HECW1: variants seen among roughly 807,000 people sequenced by gnomAD.
HECW1 encodes HECT, C2 and WW domain containing E3 ubiquitin protein ligase 1, also known as E3 ubiquitin-protein ligase HECW1.
A neutral mutation model predicts 182.3 loss-of-function variants in HECW1; 61 were observed. The ratio of observed to expected loss-of-function variants is 0.33; its 90% CI spans 0.27 to 0.41. The LOEUF is 0.41. Ranked by LOEUF, HECW1 falls within the 10% of genes least tolerant of loss-of-function variation. The probability of loss-of-function intolerance (pLI) is 1.00; values close to 1 mark genes in which losing one functional copy is unlikely to be tolerated. For missense variants in HECW1, 1,739 were observed against 2,108.9 expected, an observed-to-expected ratio of 0.82 and a Z score of 3.44; for synonymous variants, 859 against 832.6, an observed-to-expected ratio of 1.03 and a Z score of -0.55.
At chr7:43,125,048 C>T (rs1403106006) in intron 2 of HECW1, among the ~76,000 whole-genome samples, 2 of 152,098 alleles carry the variant, frequency 1.3e-5, no homozygotes, top group Admixed American at 6.5e-5. Flanking sequence ...CCAGTGTGGT[C>T]GGGTTCTGTA....
At chr7:43,151,639 C>A (rs1227553694) in intron 2 of HECW1, among the ~76,000 whole-genome samples, 5 of 151,878 alleles carry the variant, frequency 3.3e-5, no homozygotes, top group Non-Finnish European at 7.4e-5. Context: ...CAACAAATAC[C>A]AAATAAACAT....
chr7:43,458,780 G>GT (rs546781567), intron 13 of HECW1, among the ~76,000 whole-genome samples: 89 of 152,178 alleles, frequency 5.8e-4, no homozygotes, highest in African/African-American at 2.0e-3. Flanking sequence ...ACAGAAAGTC[G>GT]TTTTTTTGAT....
At chr7:43,492,756 G>A (rs946362269) in intron 18 of HECW1, among the ~76,000 whole-genome samples, 1 of 152,166 alleles carries the variant, frequency 6.6e-6, no homozygotes, top group African/African-American at 2.4e-5. Flanking sequence ...AAGTTAGAAG[G>A]AAGAGAGGAG....
At chr7:43,500,655 A>C in intron 19 of HECW1, 44 bp from the exon 20 acceptor site, 1 of 1,355,288 alleles carries the variant, frequency 7.4e-7, no homozygotes, top group Non-Finnish European at 1.1e-6. Context: ...TTCTGAGTTT[A>C]TGTGTTGGCA....
chr7:43,112,740 C>T lies in HECW1; in HGVS notation c.-464C>T, dbSNP rs553117210. Reference sequence around the variant, plus strand: ...CACACTCGCCGAGCCGCGCGCGCCCCTCCGCCGTGACAGTGGCCGTGGCCT... The same window carrying T: ...CACACTCGCCGAGCCGCGCGCGCCCTTCCGCCGTGACAGTGGCCGTGGCCT... On this transcript the variant is annotated 5_prime_UTR_variant, in exon 1 of 30. Coordinates refer to ENST00000395891, the MANE Select transcript of HECW1 (RefSeq NM_015052.5). The T allele has an allele frequency of 8.7e-6, 2 of 231,084 alleles. No homozygotes were observed. The highest frequency in any genetic ancestry group is 1.2e-4 in the East Asian group (2 of 16,466). The allele number at this position is 231,084 out of a possible 1,614,324, so 14.3% of individuals were successfully genotyped here. A position where few individuals can be genotyped will look rare whatever the true frequency, so the allele number is the denominator to read the frequency against.
rs2082299485 is a variant in HECW1 at position 43,565,133 on chromosome 7, A to T, written c.*3207A>T. On this transcript the variant is annotated 3_prime_UTR_variant, in exon 30 of 30. Coordinates refer to ENST00000395891, the MANE Select transcript of HECW1 (RefSeq NM_015052.5). ...TGTTTTATTCTACAGTGTGAAGATGATAATCCTAAAAATGGAAATTGATTC... is the reference window on the plus strand; with the variant it reads ...TGTTTTATTCTACAGTGTGAAGATGTTAATCCTAAAAATGGAAATTGATTC... 5.0e-6 allele frequency: 1 copy of T among 200,110 alleles called. No homozygotes were observed. 12.4% of individuals were successfully genotyped at this position (200,110 alleles called of 1,614,324 possible).
At chr7:43,425,189 A>G (rs1330702209) in intron 8 of HECW1, among the ~76,000 whole-genome samples, 1 of 151,828 alleles carries the variant, frequency 6.6e-6, no homozygotes, top group African/African-American at 2.4e-5. Flanking sequence ...AGGACATTTG[A>G]ACAGAAGTGG....
At chr7:43,506,945 C>T (rs1204209778) in intron 21 of HECW1, among the ~76,000 whole-genome samples, 192 bp from the exon 22 acceptor site, 1 of 152,146 alleles carries the variant, frequency 6.6e-6, no homozygotes, top group Non-Finnish European at 1.5e-5. Flanking sequence ...TGGCACACAC[C>T]TATGATCCCA....
chr7:43,350,278 A>G (rs912004503), intron 5 of HECW1, among the ~76,000 whole-genome samples: 2 of 152,140 alleles, frequency 1.3e-5, no homozygotes, highest in Admixed American at 6.5e-5. Context: ...TGGTGCTTCT[A>G]TCTCACAGAC....
intron 2 of HECW1, among the ~76,000 whole-genome samples, chr7:43,127,836 C>T (rs1786443478): frequency 6.6e-6 from 1 of 151,466 alleles, no homozygotes; most frequent in Admixed American, 6.6e-5. Flanking sequence ...TCCAGAAGAT[C>T]CAGGTAAGAT....
chr7:43,454,840 A>AG (rs1345966617), intron 12 of HECW1, among the ~76,000 whole-genome samples: 1 of 152,168 alleles, frequency 6.6e-6, no homozygotes, highest in East Asian at 1.9e-4. Flanking sequence ...GGCTTTTCTC[A>AG]CTGAAAAGGC....
At chr7:43,263,778 A>G (rs1311617432) in intron 3 of HECW1, among the ~76,000 whole-genome samples, 2 of 152,184 alleles carry the variant, frequency 1.3e-5, no homozygotes, top group Admixed American at 1.3e-4. Context: ...AGGGGACCAA[A>G]GAAAGAGAAA....
intron 8 of HECW1, among the ~76,000 whole-genome samples, chr7:43,414,743 T>C (rs2075929987): frequency 6.7e-6 from 1 of 149,910 alleles, no homozygotes; most frequent in Non-Finnish European, 1.5e-5. Flanking sequence ...GCTCTGTTTA[T>C]ATGCTGGATT....
At chr7:43,508,878 C>A in intron 23 of HECW1, 91 bp from the exon 24 acceptor site, 1 of 1,404,740 alleles carries the variant, frequency 7.1e-7, no homozygotes, top group Non-Finnish European at 9.8e-7. Flanking sequence ...CAGCACCCAA[C>A]TCTGAAAGGG....
chr7:43,233,633 T>C (rs1798065437), intron 2 of HECW1, among the ~76,000 whole-genome samples: 1 of 152,150 alleles, frequency 6.6e-6, no homozygotes, highest in African/African-American at 2.4e-5. Context: ...AAGCTAGAAA[T>C]AGGGATCGGT....
At chr7:43,331,380 G>A (rs920694413) in intron 5 of HECW1, among the ~76,000 whole-genome samples, 6 of 151,962 alleles carry the variant, frequency 3.9e-5, no homozygotes, top group African/African-American at 1.5e-4. Context: ...CACAAGGTCA[G>A]GAGATCGAGA....
chr7:43,550,192 G>T (rs186871142), intron 26 of HECW1, among the ~76,000 whole-genome samples: 1 of 152,304 alleles, frequency 6.6e-6, no homozygotes, highest in East Asian at 1.9e-4. Context: ...GGAGGCTGAG[G>T]CAGGAGGGTC....
intron 17 of HECW1, among the ~76,000 whole-genome samples, chr7:43,485,419 G>A (rs1315037430): frequency 6.6e-6 from 1 of 152,202 alleles, no homozygotes; most frequent in Non-Finnish European, 1.5e-5. Flanking sequence ...AAAATAAACT[G>A]TTTAATTACA....
At chr7:43,465,285 A>G (rs895018630) in intron 14 of HECW1, among the ~76,000 whole-genome samples, 1 of 152,168 alleles carries the variant, frequency 6.6e-6, no homozygotes, top group Non-Finnish European at 1.5e-5. Context: ...CATCTACCCC[A>G]CAGTTCTACA....
Sources: allele counts gnomAD v4.1 joint callset (sites outside exome capture counted in the v4.1 genomes callset), GRCh38; gene constraint gnomAD v4.1.1; transcripts MANE v1.5; gene names NCBI Gene and HGNC (gene_info 2026-07-23, HGNC 2026-07-21).